The following EFL1 variants were observed in gnomAD, a reference collection of about 807,000 sequenced individuals.
EFL1 encodes the protein elongation factor-like GTPase 1.
Under a neutral mutation model 126.7 loss-of-function variants are expected in EFL1, and 76 were observed. That is an observed-to-expected ratio of 0.60 (90% CI 0.50 to 0.73). The LOEUF (loss-of-function observed/expected upper bound fraction) is 0.73. Among genes scored for constraint, EFL1 ranks in the 30% least tolerant of loss-of-function variants. The probability of loss-of-function intolerance (pLI) is 0.00; values close to 1 mark genes in which losing one functional copy is unlikely to be tolerated. For missense variants in EFL1, 1,128 were observed against 1,343.2 expected (o/e 0.84, Z 2.50); for synonymous variants, 410 against 448.4 (o/e 0.91, Z 1.08).
intron 4 of EFL1, among the ~76,000 whole-genome samples, chr15:82,242,190 A>G (rs577184421): frequency 6.6e-6 from 1 of 152,266 alleles, no homozygotes; most frequent in East Asian, 1.9e-4. Flanking sequence ...TTCTGTACTC[A>G]TTCCCCATTA....
chr15:82,204,282 A>G (rs2141285073), intron 15 of EFL1, among the ~76,000 whole-genome samples: 1 of 152,318 alleles, frequency 6.6e-6, no homozygotes, highest in East Asian at 1.9e-4. Context: ...AGTCTTTATA[A>G]TAACTGCCAC....
intron 19 of EFL1, among the ~76,000 whole-genome samples, chr15:82,132,689 G>C (rs911390632): frequency 8.1e-6 from 1 of 123,080 alleles, no homozygotes; most frequent in Non-Finnish European, 1.7e-5. Flanking sequence ...ATTGGGGGGG[G>C]GGGGGGGTAG....
intron 4 of EFL1, among the ~76,000 whole-genome samples, chr15:82,252,111 A>G (rs2075027536): frequency 6.6e-6 from 1 of 152,216 alleles, no homozygotes; most frequent in African/African-American, 2.4e-5. Context: ...TTGTTTTAAC[A>G]GCTGCACAGT....
At chr15:82,165,024 C>T (rs2074064402) in intron 15 of EFL1, among the ~76,000 whole-genome samples, 1 of 152,014 alleles carries the variant, frequency 6.6e-6, no homozygotes, top group Non-Finnish European at 1.5e-5. Context: ...TGCCTGTAAT[C>T]CCAGCACTTT....
chr15:82,253,447 T>G (rs1443108368), intron 3 of EFL1, among the ~76,000 whole-genome samples: 1 of 151,722 alleles, frequency 6.6e-6, no homozygotes, highest in East Asian at 1.9e-4. Context: ...GAACCATAAA[T>G]GTATTGAAAT....
At chr15:82,256,428 T>C (rs980041412) in intron 3 of EFL1, among the ~76,000 whole-genome samples, 2 of 152,240 alleles carry the variant, frequency 1.3e-5, no homozygotes, top group African/African-American at 4.8e-5. Context: ...TACATTTTTG[T>C]TTTCTTCCTT....
Position 82,161,540 on chromosome 15 carries a change from C to T in EFL1, c.1882+2313G>A, listed in dbSNP as rs139791128. On this transcript the variant is annotated intron_variant, in intron 16 of 19. Transcript: ENST00000268206. The stretch of plus-strand genomic sequence containing the variant: ...AGACACTGAAAAATCAAATGGGGTG[C>T]TTCAGTAACACAGTCAATAAATGCA... Among the ~76,000 whole-genome samples the T allele has an allele frequency of 7.0e-3, 1,061 of 152,168 alleles. 14 individuals are homozygous for T. Among genetic ancestry groups the T allele is most frequent in the African/African-American group, 0.024 (1,013 of 41,496 alleles).
At chr15:82,164,011 C>T (rs942521268) in intron 15 of EFL1, 27 bp from the exon 16 acceptor site, 1 of 1,607,570 alleles carries the variant, frequency 6.2e-7, no homozygotes, top group African/African-American at 1.3e-5. Flanking sequence ...TCCATACGGT[C>T]AATAAGGGAT....
chr15:82,156,102 GC>G (rs2073964233), intron 17 of EFL1, among the ~76,000 whole-genome samples: 1 of 152,154 alleles, frequency 6.6e-6, no homozygotes, highest in Admixed American at 6.5e-5. Context: ...CTATTAAGAA[GC>G]TTTTTGCCAC....
At chr15:82,198,412 G>C (rs1453292110) in intron 15 of EFL1, among the ~76,000 whole-genome samples, 1 of 152,144 alleles carries the variant, frequency 6.6e-6, no homozygotes, top group Non-Finnish European at 1.5e-5. Flanking sequence ...AAGTGAGCTA[G>C]TCCTCATGGA....
chr15:82,215,528 T>C (rs1251582690), intron 14 of EFL1: 4 of 152,184 alleles, frequency 2.6e-5, no homozygotes, highest in Admixed American at 1.3e-4. Flanking sequence ...TATGGAACTA[T>C]TGTCTCAAAT....
At chr15:82,132,883 C>T (rs1380921963) in intron 19 of EFL1, among the ~76,000 whole-genome samples, 1 of 152,056 alleles carries the variant, frequency 6.6e-6, no homozygotes, top group Non-Finnish European at 1.5e-5. Flanking sequence ...GATTCACCAG[C>T]CACTGGGCCT....
chr15:82,248,085 T>A (rs1176716886), intron 4 of EFL1, among the ~76,000 whole-genome samples: 1 of 152,064 alleles, frequency 6.6e-6, no homozygotes, highest in Non-Finnish European at 1.5e-5. Flanking sequence ...AACTCCATTT[T>A]TGCACATGTG....
In EFL1 at chr15:82,238,037, A is replaced by C. The variant is rs569683302; in HGVS notation, c.731+270T>G. 4.0e-3 allele frequency among the ~76,000 whole-genome samples: 614 copies of C among 152,292 alleles called. 8 individuals are homozygous for C. Among genetic ancestry groups the C allele is most frequent in the Non-Finnish European group, 4.2e-3 (283 of 68,020 alleles). Reference sequence around the variant, plus strand: ...GGAAGGAAGTAGCTGTGGCAATATAAGGGCAACGTGAAGGAGCCTTGTGGT... The same window carrying C: ...GGAAGGAAGTAGCTGTGGCAATATACGGGCAACGTGAAGGAGCCTTGTGGT... On this transcript the variant is annotated intron_variant, in intron 7 of 19. Coordinates refer to ENST00000268206, the MANE Select transcript of EFL1 (RefSeq NM_024580.6).
At chr15:82,193,866 T>C (rs982066555) in intron 15 of EFL1, among the ~76,000 whole-genome samples, 5 of 152,108 alleles carry the variant, frequency 3.3e-5, no homozygotes, top group African/African-American at 9.7e-5. Context: ...GTGCAAACTA[T>C]TGTTGCATTT....
chr15:82,240,800 A>G lies in EFL1; in HGVS notation c.379-245T>C, dbSNP rs1485349252. Among the ~76,000 whole-genome samples, 6 of 152,324 alleles carry G rather than the reference A, an allele frequency of 3.9e-5. No homozygotes were observed. The Middle Eastern group carries it at 0.01, about 259-fold the overall frequency. On this transcript the variant is annotated intron_variant, in intron 5 of 19. Coordinates refer to ENST00000268206, the MANE Select transcript of EFL1 (RefSeq NM_024580.6). ...GCATGGTGGGTCACACCTGTATCTC[A>G]GCACTCTGGGAGGCTGAGGCAGGTG...
intron 15 of EFL1, among the ~76,000 whole-genome samples, chr15:82,191,903 AATG>A (rs2074363982): frequency 6.6e-6 from 1 of 152,188 alleles, no homozygotes; most frequent in African/African-American, 2.4e-5. Flanking sequence ...AAATAACAAC[AATG>A]AACATGGAAT....
intron 14 of EFL1, among the ~76,000 whole-genome samples, chr15:82,217,373 GAAAAAAAAA>G: frequency 0.12 from 3,166 of 27,304 alleles, 96 homozygotes; most frequent in Middle Eastern, 0.19. Context: ...GATTAGATTT[GAAAAAAAAA>G]AAAAAAAAAA....
chr15:82,198,912 T>C (rs532794676), intron 15 of EFL1, among the ~76,000 whole-genome samples: 1 of 152,224 alleles, frequency 6.6e-6, no homozygotes, highest in East Asian at 1.9e-4. Flanking sequence ...CCTAACCTAG[T>C]GATCAATATA....
Sources: gnomAD v4.1 joint callset for allele counts (sites outside exome capture counted in the v4.1 genomes callset) on GRCh38, gnomAD v4.1.1 for gene constraint, MANE v1.5 for transcripts, NCBI Gene and HGNC (gene_info 2026-07-23, HGNC 2026-07-21) for gene names.